Variants in CACNA2D3 observed in about 807,000 individuals in gnomAD.
The protein encoded by CACNA2D3 is voltage-dependent calcium channel subunit alpha-2/delta-3.
A neutral mutation model predicts 160.6 loss-of-function variants in CACNA2D3; 60 were observed. The observed-to-expected ratio is 0.37, with a 90% confidence interval of 0.30 to 0.46. CACNA2D3 has a LOEUF of 0.46. Among genes scored for constraint, CACNA2D3 ranks in the 20% least tolerant of loss-of-function variants. The pLI is 1.00. For missense variants in CACNA2D3, 1,205 were observed against 1,365.0 expected (o/e 0.88, Z 1.85); for synonymous variants, 558 against 492.9 (o/e 1.13, Z -1.75).
chr3:54,691,534 A>G (rs1466575385), intron 11 of CACNA2D3, among the ~76,000 whole-genome samples: 1 of 152,234 alleles, frequency 6.6e-6, no homozygotes, highest in East Asian at 1.9e-4. Flanking sequence ...TCACTTGCCT[A>G]GAGGAGGTTA....
At chr3:55,025,792 A>T (rs1233669194) in intron 35 of CACNA2D3, among the ~76,000 whole-genome samples, 1 of 152,148 alleles carries the variant, frequency 6.6e-6, no homozygotes, top group Non-Finnish European at 1.5e-5. Context: ...TGCTAGCAGC[A>T]GTGAAAAGAC....
At chr3:54,574,504 A>G (rs1479405111) in intron 8 of CACNA2D3, among the ~76,000 whole-genome samples, 5 of 152,222 alleles carry the variant, frequency 3.3e-5, no homozygotes, top group Non-Finnish European at 7.4e-5. Context: ...GTATTACAAG[A>G]TCTATCTAAA....
intron 2 of CACNA2D3, among the ~76,000 whole-genome samples, chr3:54,258,029 G>A (rs116475248): frequency 0.011 from 1,663 of 152,268 alleles, 31 homozygotes; most frequent in African/African-American, 0.038. Context: ...GTAAATTCAA[G>A]TTCATAGCTG....
chr3:55,051,366 T>C (rs1704206690), intron 35 of CACNA2D3, among the ~76,000 whole-genome samples: 2 of 147,402 alleles, frequency 1.4e-5, no homozygotes, highest in Non-Finnish European at 2.9e-5. Flanking sequence ...CCCTACCGTG[T>C]GAGGTGTCAG....
At chr3:54,963,847 G>GGAGGAAGGGAGGGTAAAAGTAGA (rs1288878719) in intron 27 of CACNA2D3, among the ~76,000 whole-genome samples, 1 of 152,172 alleles carries the variant, frequency 6.6e-6, no homozygotes, top group African/African-American at 2.4e-5. Context: ...AGAAAGGAAT[G>GGAGGAAGGGAGGGTAAAAGTAGA]GAGGAAGGGA....
At chr3:54,554,834 G>T (rs961537922) in intron 5 of CACNA2D3, among the ~76,000 whole-genome samples, 2 of 142,758 alleles carry the variant, frequency 1.4e-5, no homozygotes, top group South Asian at 4.7e-4. Flanking sequence ...CCCCTCTTGA[G>T]ACTTTATTTA....
intron 3 of CACNA2D3, among the ~76,000 whole-genome samples, chr3:54,347,149 G>A (rs545129467): frequency 7.9e-5 from 12 of 152,272 alleles, no homozygotes; most frequent in East Asian, 1.9e-4. Flanking sequence ...TATTTTATAC[G>A]CAAGGGCCCG....
intron 9 of CACNA2D3, 64 bp from the exon 10 acceptor site, chr3:54,627,723 A>C: frequency 4.1e-6 from 4 of 978,912 alleles, no homozygotes; most frequent in Non-Finnish European, 6.5e-6. Flanking sequence ...CATCTAATTC[A>C]TTCAAGGTTG....
At chr3:54,681,257 C>T (rs72870690) in intron 11 of CACNA2D3, among the ~76,000 whole-genome samples, 37,540 of 151,124 alleles carry the variant, frequency 0.25, 4,983 homozygotes, top group African/African-American at 0.29. Flanking sequence ...AATAGTGAGA[C>T]CAGGCACGGT....
Position 54,864,923 on chromosome 3 carries a change from C to G in CACNA2D3, c.1627-6616C>G, listed in dbSNP as rs112080848. Among the ~76,000 whole-genome samples, 695 of 152,316 alleles carry G rather than the reference C, an allele frequency of 4.6e-3. 6 individuals carry two copies. Among genetic ancestry groups the G allele is most frequent in the African/African-American group, 0.016 (659 of 41,568 alleles). ...TCCTGGGTGCTGCGTTTTCCCATCT[C>G]TGAAGCAGTTATCCCTCACCTGGAG... On this transcript the variant is annotated intron_variant, in intron 17 of 37. Transcript: ENST00000474759.
intron 2 of CACNA2D3, among the ~76,000 whole-genome samples, chr3:54,172,382 C>A (rs903836912): frequency 2.4e-4 from 36 of 152,182 alleles, no homozygotes; most frequent in Non-Finnish European, 1.3e-4. Flanking sequence ...TGTGGGTTTC[C>A]CCCCTCTCTG....
At chr3:55,049,858 T>C (rs1441849803) in intron 35 of CACNA2D3, among the ~76,000 whole-genome samples, 2 of 145,216 alleles carry the variant, frequency 1.4e-5, no homozygotes, top group South Asian at 2.2e-4. Context: ...CATTATGTAA[T>C]AGCCTTCTTT....
chr3:54,443,986 G>A (rs1015237807), intron 4 of CACNA2D3, among the ~76,000 whole-genome samples: 1 of 152,124 alleles, frequency 6.6e-6, no homozygotes, highest in Non-Finnish European at 1.5e-5. Flanking sequence ...AACATTTGCA[G>A]CGAACTTGAA....
chr3:54,692,190 T>G (rs796447771), intron 11 of CACNA2D3, among the ~76,000 whole-genome samples: 25 of 152,284 alleles, frequency 1.6e-4, no homozygotes, highest in African/African-American at 6.0e-4. Flanking sequence ...GCCAGGTTGG[T>G]CTCAAACTCC....
intron 11 of CACNA2D3, among the ~76,000 whole-genome samples, chr3:54,725,940 G>C (rs1701267201): frequency 6.6e-6 from 1 of 152,066 alleles, no homozygotes; most frequent in Admixed American, 6.6e-5. Context: ...AAGAAATAAA[G>C]GGTATTCATA....
chr3:54,417,795 T>TGGG (rs71616810), intron 4 of CACNA2D3, among the ~76,000 whole-genome samples: 1 of 68,062 alleles, frequency 1.5e-5, no homozygotes, highest in African/African-American at 5.2e-5. Flanking sequence ...TCTGTGTGTG[T>TGGG]GGGGGGGGGG....
At chr3:54,539,280 T>G (rs1701933970) in intron 5 of CACNA2D3, among the ~76,000 whole-genome samples, 1 of 152,260 alleles carries the variant, frequency 6.6e-6, no homozygotes. Context: ...AGTGTTTAGC[T>G]GAGCAAATGG....
At chr3:54,364,734 A>G (rs980013315) in intron 3 of CACNA2D3, among the ~76,000 whole-genome samples, 8 of 152,262 alleles carry the variant, frequency 5.3e-5, no homozygotes, top group African/African-American at 1.7e-4. Context: ...AATATAGACC[A>G]TAACTCACAG....
intron 4 of CACNA2D3, among the ~76,000 whole-genome samples, chr3:54,417,795 T>TGG (rs71616810): frequency 1.8e-4 from 12 of 68,110 alleles, no homozygotes; most frequent in African/African-American, 4.1e-4. Context: ...TCTGTGTGTG[T>TGG]GGGGGGGGGG....
Sources: allele counts gnomAD v4.1 joint callset (sites outside exome capture counted in the v4.1 genomes callset), GRCh38; gene constraint gnomAD v4.1.1; transcripts MANE v1.5; gene names NCBI Gene and HGNC (gene_info 2026-07-23, HGNC 2026-07-21).